JAM2: variants seen among roughly 807,000 people sequenced by gnomAD.
JAM2 encodes junctional adhesion molecule 2.
Under a neutral mutation model 42.0 loss-of-function variants are expected in JAM2, and 17 were observed. That is an observed-to-expected ratio of 0.40 (90% CI 0.28 to 0.61). JAM2 has a LOEUF of 0.61. Among genes scored for constraint, JAM2 ranks in the 20% least tolerant of loss-of-function variants. The pLI, the probability that JAM2 is intolerant of heterozygous loss-of-function variation, is 0.37. For missense variants in JAM2, 319 were observed against 358.3 expected, an observed-to-expected ratio of 0.89 and a Z score of 0.89; for synonymous variants, 118 against 128.6, an observed-to-expected ratio of 0.92 and a Z score of 0.56.
Position 25,679,093 on chromosome 21 carries a change from A to G in JAM2, c.68-4790A>G, listed in dbSNP as rs150848301. The stretch of plus-strand genomic sequence containing the variant: ...TAGTTCTGCAAATTTTAACTTCACA[A>G]TTAGATTTGCTGTCCAGGCTTTTAA... On this transcript the variant is annotated intron_variant, in intron 1 of 9. Transcript: ENST00000480456. Among the ~76,000 whole-genome samples the G allele has an allele frequency of 7.9e-3, 1,201 of 152,308 alleles. 16 individuals are homozygous for G. The highest frequency in any genetic ancestry group is 0.027 in the African/African-American group (1,115 of 41,574).
intron 7 of JAM2, among the ~76,000 whole-genome samples, chr21:25,706,993 C>T (rs1488390205): frequency 6.6e-6 from 1 of 152,142 alleles, no homozygotes; most frequent in Non-Finnish European, 1.5e-5. Context: ...CCACCTTGGC[C>T]TCCCAAAGTG....
intron 2 of JAM2, among the ~76,000 whole-genome samples, chr21:25,686,929 T>C (rs2033764113): frequency 6.6e-6 from 1 of 152,202 alleles, no homozygotes; most frequent in Non-Finnish European, 1.5e-5. Flanking sequence ...AATTCTCTTT[T>C]CTTGATCTAA....
intron 5 of JAM2, among the ~76,000 whole-genome samples, chr21:25,701,351 C>T (rs1045531978): frequency 6.6e-6 from 1 of 151,730 alleles, no homozygotes; most frequent in African/African-American, 2.4e-5. Context: ...GATTACACTC[C>T]CTTTCTTCCC....
intron 1 of JAM2, among the ~76,000 whole-genome samples, chr21:25,653,939 T>A (rs2032852444): frequency 6.6e-6 from 1 of 152,196 alleles, no homozygotes; most frequent in Admixed American, 6.5e-5. Flanking sequence ...TGTGTTGAAT[T>A]TATTTCAAAA....
rs1196402594 is a variant in JAM2 at position 25,715,680 on chromosome 21, C to G, written c.*1008C>G. ...TCAGTATGACTCCCTGCATCTGGTA[C>G]CCCTCTTGAAACACAGTGGGCACAT... On this transcript the variant is annotated 3_prime_UTR_variant, in exon 10 of 10. Transcript: ENST00000480456. 1 of 152,172 alleles carries G rather than the reference C, an allele frequency of 6.6e-6. No homozygotes were observed. The highest frequency in any genetic ancestry group is 1.5e-5 in the Non-Finnish European group (1 of 68,044). The allele number at this position is 152,172 out of a possible 1,614,324, so 9.4% of individuals were successfully genotyped here.
intron 1 of JAM2, among the ~76,000 whole-genome samples, chr21:25,642,284 A>G (rs1005886804): frequency 2.0e-5 from 3 of 152,116 alleles, no homozygotes; most frequent in Non-Finnish European, 2.9e-5. Context: ...GCTCTTCTGC[A>G]TGGGAGATGG....
Position 25,639,851 on chromosome 21 carries a change from C to G in JAM2, c.30C>G (p.Leu10=), listed in dbSNP as rs940007794. 3.1e-6 allele frequency: 5 copies of G among 1,594,348 alleles called. No individual in the cohort carries two copies. The highest frequency in any genetic ancestry group is 2.3e-5 in the East Asian group (1 of 44,094). MARRSRHRL[L]LLLLRYLVVA... ...CGAGGAGGAGCCGCCACCGCCTCCT[C>G]CTGCTGCTGCTGCGCTACCTGGTGG... is the stretch of plus-strand genomic sequence containing the variant. Residue 10 remains leucine, a synonymous_variant, in exon 1 of 10, where the codon CTC becomes CTG. Transcript: ENST00000480456.
chr21:25,670,027 C>G (rs1369915290), intron 1 of JAM2, among the ~76,000 whole-genome samples: 1 of 152,142 alleles, frequency 6.6e-6, no homozygotes, highest in African/African-American at 2.4e-5. Flanking sequence ...AATTTCAAAA[C>G]TTTTGGTAGA....
At chr21:25,710,376 AT>A (rs759139511) in intron 8 of JAM2, among the ~76,000 whole-genome samples, 7 of 152,192 alleles carry the variant, frequency 4.6e-5, no homozygotes, top group Non-Finnish European at 8.8e-5. Context: ...AAGGCAGAAA[AT>A]AAACAGGTAA....
intron 1 of JAM2, among the ~76,000 whole-genome samples, chr21:25,668,826 C>G (rs2033285193): frequency 6.6e-6 from 1 of 151,980 alleles, no homozygotes; most frequent in Admixed American, 6.6e-5. Context: ...AGGATGGGAG[C>G]CATGAGAAGA....
rs148156194 is a variant in JAM2, at chr21:25,688,722, T to C, written c.134-1144T>C. 6.6e-5 allele frequency among the ~76,000 whole-genome samples: 10 copies of C among 152,356 alleles called. No homozygotes were observed. The East Asian group carries it at 1.9e-3, about 29-fold the overall frequency. ...TTACCTTTTATTCCATTTTTGTATG[T>C]CCAGCAATATGTGTGGAATGAAAAA... is the stretch of plus-strand genomic sequence containing the variant. On this transcript the variant is annotated intron_variant, in intron 2 of 9. Coordinates refer to ENST00000480456, the MANE Select transcript of JAM2 (RefSeq NM_021219.4).
intron 1 of JAM2, among the ~76,000 whole-genome samples, chr21:25,659,412 T>A (rs781111536): frequency 7.9e-5 from 12 of 152,204 alleles, no homozygotes; most frequent in Non-Finnish European, 1.2e-4. Context: ...CAAGGCTGTG[T>A]TTTTCCTTCC....
At chr21:25,706,714 A>G (rs976870580) in intron 7 of JAM2, among the ~76,000 whole-genome samples, 1 of 152,128 alleles carries the variant, frequency 6.6e-6, no homozygotes, top group Non-Finnish European at 1.5e-5. Context: ...GGATATTTAT[A>G]GTATCTTTGC....
At chr21:25,668,849 G>A (rs1379422068) in intron 1 of JAM2, among the ~76,000 whole-genome samples, 1 of 152,210 alleles carries the variant, frequency 6.6e-6, no homozygotes, top group African/African-American at 2.4e-5. Context: ...AACTAGGAAA[G>A]TGTGTTGTCC....
At chr21:25,707,436 C>T (rs2034295098) in intron 7 of JAM2, among the ~76,000 whole-genome samples, 1 of 152,064 alleles carries the variant, frequency 6.6e-6, no homozygotes, top group Non-Finnish European at 1.5e-5. Flanking sequence ...GAGCCAAGAT[C>T]ATGCCACTCC....
rs181333333 is a variant in JAM2, at chr21:25,712,275, A to T, written c.822-65A>T. 411 of 1,056,640 alleles carry T rather than the reference A, an allele frequency of 3.9e-4. 1 individual carries two copies. The East Asian group carries it at 8.4e-3, about 22-fold the overall frequency. The allele number at this position is 1,056,640 out of a possible 1,614,324, so 65.5% of individuals were successfully genotyped here. A position where few individuals can be genotyped will look rare whatever the true frequency, so the allele number is the denominator to read the frequency against. ...GTATGGAAGTAAAATTAACTAAAAG[A>T]GCATATATGTTCCAGATTGGAAGTG... On this transcript the variant is annotated intron_variant, in intron 8 of 9. Transcript: ENST00000480456.
In JAM2 at chr21:25,706,051, G is replaced by T. The variant is rs373507200; in HGVS notation, c.770G>T (p.Gly257Val). 2 of 1,613,632 alleles carry T rather than the reference G, an allele frequency of 1.2e-6. No homozygotes were observed. The highest frequency in any genetic ancestry group is 1.7e-6 in the Non-Finnish European group (2 of 1,179,548). The part of the protein sequence containing the change: ...VALVISVCGL[G>V]VCYAQRKGYF... ...TTAGTGATTTCCGTTTGTGGCCTTG[G>T]TGTATGCTATGCTCAGAGGAAAGGC... Residue 257 changes from glycine (G) to valine (V), a missense_variant, in exon 7 of 10, where the codon GGT (glycine) becomes GTT (valine). Coordinates refer to ENST00000480456, the MANE Select transcript of JAM2 (RefSeq NM_021219.4).
chr21:25,698,812 A>AAAATCC lies in JAM2; in HGVS notation c.531_536dup (p.Asn178_Pro179dup). Reference sequence around the variant, plus strand: ...TTTAAGGATGGCATCCGTTTGCTAGAAAATCCCAGACTTGGCTCCCAAAGC... The same window carrying AAAATCC: ...TTTAAGGATGGCATCCGTTTGCTAGAAAATCCAAATCCCAGACTTGGCTCCCAAAGC... On this transcript the variant is annotated inframe_insertion, in exon 5 of 10. Transcript: ENST00000480456. 1 of 1,614,228 alleles carries AAAATCC rather than the reference A, an allele frequency of 6.2e-7. No homozygotes were observed. The highest frequency in any genetic ancestry group is 8.5e-7 in the Non-Finnish European group (1 of 1,180,050).
intron 1 of JAM2, among the ~76,000 whole-genome samples, chr21:25,646,691 A>C (rs1297843606): frequency 6.6e-6 from 1 of 152,148 alleles, no homozygotes; most frequent in Non-Finnish European, 1.5e-5. Context: ...AGGCCAGTGA[A>C]TGGGTAGGAA....
Sources: gnomAD v4.1 joint callset for allele counts (sites outside exome capture counted in the v4.1 genomes callset) on GRCh38, gnomAD v4.1.1 for gene constraint, MANE v1.5 for transcripts, NCBI Gene and HGNC (gene_info 2026-07-23, HGNC 2026-07-21) for gene names.